GRIN2B: variants seen among roughly 807,000 people sequenced by gnomAD.
GRIN2B encodes glutamate receptor ionotropic, NMDA 2B.
GRIN2B carries 5 observed loss-of-function variants against 114.5 expected under a neutral mutation model. The observed-to-expected ratio is 0.04, with a 90% CI of 0.02 to 0.09. The LOEUF (loss-of-function observed/expected upper bound fraction) is 0.09, where lower values mean the gene tolerates loss of function less well. GRIN2B is among the 10% of genes least tolerant of loss of function. The pLI is 1.00. For synonymous variants in GRIN2B, 787 were observed against 745.1 expected (o/e 1.06, Z -0.92); for missense variants, 1,108 against 1,943.5 (o/e 0.57, Z 8.08).
intron 4 of GRIN2B, among the ~76,000 whole-genome samples, chr12:13,734,710 T>C (rs114967499): frequency 1.2e-3 from 182 of 152,344 alleles, no homozygotes; most frequent in African/African-American, 4.1e-3. Context: ...TGCACATCTA[T>C]GTGCTATGCC....
chr12:13,954,823 A>AAAAAAAAAAAAAAAAAAAAAAAAAAC, intron 2 of GRIN2B, among the ~76,000 whole-genome samples: 1 of 147,780 alleles, frequency 6.8e-6, no homozygotes, highest in African/African-American at 2.5e-5. Context: ...AAAAAAAAAA[A>AAAAAAAAAAAAAAAAAAAAAAAAAAC]AAAAAACTTT....
At chr12:13,621,864 T>C (rs548175717) in intron 5 of GRIN2B, among the ~76,000 whole-genome samples, 40 of 152,202 alleles carry the variant, frequency 2.6e-4, no homozygotes, top group African/African-American at 8.7e-4. Flanking sequence ...ATTCCTCCAT[T>C]ACTGCCAGTG....
In GRIN2B at chr12:13,722,893, G is replaced by A. The variant is rs186449855; in HGVS notation, c.1010+30424C>T. Among the ~76,000 whole-genome samples, 123 of 152,180 alleles carry A rather than the reference G, an allele frequency of 8.1e-4. 1 individual carries two copies. The highest frequency in any genetic ancestry group is 2.7e-3 in the African/African-American group (113 of 41,540). ...GCACCACTGTGCACCACTTCAAATCGTCTCACCACACCTGCTCTTCCAGGG... is the reference window on the plus strand; with the variant it reads ...GCACCACTGTGCACCACTTCAAATCATCTCACCACACCTGCTCTTCCAGGG... On this transcript the variant is annotated intron_variant, in intron 4 of 13. Coordinates refer to ENST00000609686, the MANE Select transcript of GRIN2B (RefSeq NM_000834.5).
chr12:13,621,640 T>TC (rs1949518944), intron 5 of GRIN2B, among the ~76,000 whole-genome samples: 1 of 103,208 alleles, frequency 9.7e-6, no homozygotes, highest in Admixed American at 1.0e-4. Context: ...TTTTTTTTTT[T>TC]CAGAAAAACA....
chr12:13,830,697 T>A (rs1295536545), intron 3 of GRIN2B, among the ~76,000 whole-genome samples: 1 of 152,210 alleles, frequency 6.6e-6, no homozygotes, highest in Non-Finnish European at 1.5e-5. Flanking sequence ...CAAGATAGCA[T>A]CAGGCATACA....
intron 3 of GRIN2B, among the ~76,000 whole-genome samples, chr12:13,828,981 A>G (rs1865101669): frequency 6.6e-6 from 1 of 152,038 alleles, no homozygotes; most frequent in South Asian, 2.1e-4. Context: ...CTTGCTCACT[A>G]TATTCTAGCC....
chr12:13,868,218 G>A (rs1865856056), intron 2 of GRIN2B, among the ~76,000 whole-genome samples: 2 of 151,010 alleles, frequency 1.3e-5, no homozygotes, highest in Admixed American at 6.6e-5. Flanking sequence ...GTTCATGCCT[G>A]AGCAAAGTTT....
At chr12:13,617,393 C>A (rs1949458443) in intron 5 of GRIN2B, among the ~76,000 whole-genome samples, 1 of 152,186 alleles carries the variant, frequency 6.6e-6, no homozygotes, top group African/African-American at 2.4e-5. Context: ...CTGAGTGCCC[C>A]AACACCATGG....
intron 3 of GRIN2B, among the ~76,000 whole-genome samples, chr12:13,835,371 C>G (rs1256249340): frequency 1.3e-5 from 2 of 152,114 alleles, no homozygotes; most frequent in East Asian, 3.9e-4. Context: ...TGTGAGCATC[C>G]CCTAAAGGGA....
chr12:13,902,079 T>C (rs1244305177), intron 2 of GRIN2B, among the ~76,000 whole-genome samples: 1 of 152,138 alleles, frequency 6.6e-6, no homozygotes, highest in Non-Finnish European at 1.5e-5. Flanking sequence ...CTTGCAAAAA[T>C]GTTACACCAT....
intron 10 of GRIN2B, 98 bp downstream of exon 10, chr12:13,608,505 T>C: frequency 2.3e-6 from 2 of 858,010 alleles, no homozygotes; most frequent in Non-Finnish European, 3.9e-6. Flanking sequence ...GAACGGTCAA[T>C]TCCAAAAATT....
intron 3 of GRIN2B, among the ~76,000 whole-genome samples, chr12:13,801,235 G>A (rs565457745): frequency 1.3e-5 from 2 of 152,242 alleles, no homozygotes; most frequent in African/African-American, 4.8e-5. Context: ...AATGTATTGT[G>A]CAAATGTTAC....
intron 3 of GRIN2B, among the ~76,000 whole-genome samples, chr12:13,759,191 A>AGTAGAG (rs1863634392): frequency 6.6e-6 from 1 of 151,456 alleles, no homozygotes; most frequent in South Asian, 2.1e-4. Context: ...TTGTATTTTT[A>AGTAGAG]GTAGAGATGG....
In GRIN2B at chr12:13,547,959, G is replaced by GTATATATATATA. The variant is rs1555098068; in HGVS notation, c.*14812_*14823dup. 2 of 91,480 alleles carry GTATATATATATA rather than the reference G, an allele frequency of 2.2e-5. No individual in the cohort carries two copies. The highest frequency in any genetic ancestry group is 7.6e-5 in the African/African-American group (2 of 26,226). 5.7% of individuals were successfully genotyped at this position (91,480 alleles called of 1,614,324 possible). ...TATGTATGTATGTATGTATGTGTGT[G>GTATATATATATA]TATATATATATATATATATATATTT... On this transcript the variant is annotated 3_prime_UTR_variant, in exon 14 of 14. Transcript: ENST00000609686.
intron 5 of GRIN2B, among the ~76,000 whole-genome samples, chr12:13,650,575 GAA>G (rs1949803861): frequency 6.6e-6 from 1 of 152,014 alleles, no homozygotes; most frequent in Admixed American, 6.6e-5. Flanking sequence ...TTCTGAACAA[GAA>G]ATTATATCCC....
chr12:13,568,102 C>G (rs1948664880), intron 12 of GRIN2B, among the ~76,000 whole-genome samples: 1 of 151,902 alleles, frequency 6.6e-6, no homozygotes, highest in South Asian at 2.1e-4. Flanking sequence ...AAAATAAGAC[C>G]CCCAAATTCA....
At chr12:13,967,400 G>A (rs762636113) in intron 2 of GRIN2B, among the ~76,000 whole-genome samples, 3 of 152,168 alleles carry the variant, frequency 2.0e-5, no homozygotes, top group Non-Finnish European at 2.9e-5. Context: ...GAGCCAAAAC[G>A]CCCAGTTCAA....
intron 4 of GRIN2B, among the ~76,000 whole-genome samples, chr12:13,711,706 A>G (rs1006697183): frequency 6.6e-6 from 1 of 152,046 alleles, no homozygotes; most frequent in Admixed American, 6.6e-5. Context: ...TTAGAATGGC[A>G]ATCATTAAAA....
chr12:13,882,849 AACC>A (rs553525157), intron 2 of GRIN2B, among the ~76,000 whole-genome samples: 23 of 152,240 alleles, frequency 1.5e-4, no homozygotes, highest in Non-Finnish European at 2.8e-4. Flanking sequence ...TACAGTATAT[AACC>A]ACCACCATAA....
Sources: gnomAD v4.1 joint callset for allele counts (sites outside exome capture counted in the v4.1 genomes callset) on GRCh38, gnomAD v4.1.1 for gene constraint, MANE v1.5 for transcripts, NCBI Gene and HGNC (gene_info 2026-07-23, HGNC 2026-07-21) for gene names.